The following PIP5K1C variants were observed in gnomAD, a reference collection of about 807,000 sequenced individuals.
PIP5K1C encodes phosphatidylinositol 4-phosphate 5-kinase type-1 gamma.
Under a neutral mutation model 80.1 loss-of-function variants are expected in PIP5K1C, and 45 were observed. The observed-to-expected ratio is 0.56, with a 90% confidence interval of 0.44 to 0.72. The LOEUF is 0.72. Ranked by LOEUF, PIP5K1C falls within the 30% of genes least tolerant of loss-of-function variation. PIP5K1C has a pLI of 0.00. For missense variants in PIP5K1C, 753 were observed against 954.6 expected (o/e 0.79, Z 2.78); for synonymous variants, 498 against 420.1 (o/e 1.19, Z -2.27).
rs762215437 is a variant in PIP5K1C at position 3,656,432 on chromosome 19, C to T, written c.594G>A (p.Leu198=). The T allele has an allele frequency of 2.5e-5, 41 of 1,613,438 alleles. No individual in the cohort carries two copies. The highest frequency in any genetic ancestry group is 3.5e-5 in the Non-Finnish European group (41 of 1,180,040). ...TGTAGTAGCCAGGGAGCAGCTTCTG[C>T]AGGAACTCGGCCTCCTTGTGCATGA... ...KTVMHKEAEF[L]QKLLPGYYMN... The change falls in exon 6 of 18, where the codon CTG becomes CTA. Residue 198 remains leucine, a synonymous_variant. Transcript: ENST00000335312.
intron 1 of PIP5K1C, among the ~76,000 whole-genome samples, chr19:3,687,531 G>GCA (rs747932761): frequency 3.7e-5 from 4 of 109,342 alleles, no homozygotes; most frequent in Non-Finnish European, 7.9e-5. Flanking sequence ...ACATGCACAC[G>GCA]CACACACATA....
At chr19:3,667,464 G>A (rs942658281) in intron 1 of PIP5K1C, 111 bp from the exon 2 acceptor site, 16 of 1,147,796 alleles carry the variant, frequency 1.4e-5, no homozygotes, top group East Asian at 1.2e-4. Context: ...GTGTAACTCC[G>A]CGTGGGGCTG....
In PIP5K1C at chr19:3,654,572, G is replaced by A. The variant is rs2034556005; in HGVS notation, c.622-983C>T. ...GGCTCATGCCTGTAATCCTAGCACT[G>A]TGGGAGGCCGAGGCGGGCGGATCAC... On this transcript the variant is annotated intron_variant, in intron 6 of 17. Coordinates refer to ENST00000335312, the MANE Select transcript of PIP5K1C (RefSeq NM_012398.3). 2.6e-5 allele frequency among the ~76,000 whole-genome samples: 4 copies of A among 152,150 alleles called. No homozygotes were observed. The South Asian group carries it at 8.3e-4, about 31-fold the overall frequency.
At chr19:3,679,287 C>A (rs189107215) in intron 1 of PIP5K1C, among the ~76,000 whole-genome samples, 1 of 152,192 alleles carries the variant, frequency 6.6e-6, no homozygotes, top group Non-Finnish European at 1.5e-5. Flanking sequence ...TGTGCCCAGG[C>A]TCCCCACCCA....
intron 5 of PIP5K1C, among the ~76,000 whole-genome samples, chr19:3,657,358 C>T (rs1014892478): frequency 2.6e-5 from 4 of 152,220 alleles, no homozygotes; most frequent in Admixed American, 6.5e-5. Flanking sequence ...TGCTACCCTG[C>T]GTCTTCCGGG....
intron 7 of PIP5K1C, 147 bp from the exon 8 acceptor site, chr19:3,652,178 T>C: frequency 1.5e-6 from 1 of 680,158 alleles, no homozygotes; most frequent in Non-Finnish European, 2.6e-6. Flanking sequence ...GGAGTGGGGG[T>C]TCTAGTGTTA....
At chr19:3,683,581 C>G (rs571487614) in intron 1 of PIP5K1C, among the ~76,000 whole-genome samples, 1 of 152,182 alleles carries the variant, frequency 6.6e-6, no homozygotes, top group South Asian at 2.1e-4. Context: ...TATGCAGAGG[C>G]GGAAACTGAG....
chr19:3,642,924 C>G lies in PIP5K1C; in HGVS notation c.1665G>C (p.Ser555=). 2 of 1,613,486 alleles carry G rather than the reference C, an allele frequency of 1.2e-6. No individual in the cohort carries two copies. The highest frequency in any genetic ancestry group is 1.3e-5 in the African/African-American group (1 of 74,922). ...EQPRYRRRTQ[S]SGQDGRPQEE... ...GGTCTCACCTGCCATCCTGTCCAGACGACTGTGTGCGCCGCCTGCAGAGAT... is the reference window on the plus strand; with the variant it reads ...GGTCTCACCTGCCATCCTGTCCAGAGGACTGTGTGCGCCGCCTGCAGAGAT... The change falls in exon 14 of 18, where the codon TCG becomes TCC. Residue 555 remains serine (S), a synonymous_variant. Transcript: ENST00000335312.
Position 3,689,769 on chromosome 19 carries a change from G to A in PIP5K1C, c.94+10528C>T, listed in dbSNP as rs149569262. ...CAAATGGCCTGACATAATCACACAC[G>A]CACACGCTAACACACACACACTAAC... On this transcript the variant is annotated intron_variant, in intron 1 of 17. Coordinates refer to ENST00000335312, the MANE Select transcript of PIP5K1C (RefSeq NM_012398.3). 1.6e-3 allele frequency among the ~76,000 whole-genome samples: 238 copies of A among 152,034 alleles called. 2 individuals carry two copies. In the South Asian group the frequency reaches 0.019, roughly 12 times the overall value.
chr19:3,673,072 C>A (rs1443218224), intron 1 of PIP5K1C, among the ~76,000 whole-genome samples: 1 of 150,266 alleles, frequency 6.7e-6, no homozygotes, highest in Non-Finnish European at 1.5e-5. Flanking sequence ...TCACTGCAAC[C>A]CTGCAGGGTG....
intron 2 of PIP5K1C, 105 bp from the exon 3 acceptor site, chr19:3,665,019 AGG>A: frequency 1.1e-6 from 1 of 888,550 alleles, no homozygotes; most frequent in South Asian, 1.4e-5. Context: ...TGGGCCCAGC[AGG>A]GGTGCACAGG....
At chr19:3,638,138 G>A in intron 16 of PIP5K1C, 2 of 1,200,578 alleles carry the variant, frequency 1.7e-6, no homozygotes, top group Non-Finnish European at 2.2e-6. Context: ...TCTGGGAAGT[G>A]GGCTGCAGCC....
At chr19:3,676,758 C>A (rs1391716546) in intron 1 of PIP5K1C, among the ~76,000 whole-genome samples, 6 of 152,164 alleles carry the variant, frequency 3.9e-5, no homozygotes, top group African/African-American at 1.2e-4. Context: ...AATTTCACGT[C>A]CCCCCAAAAT....
chr19:3,633,813 G>A (rs934808295), intron 16 of PIP5K1C, among the ~76,000 whole-genome samples: 7 of 152,044 alleles, frequency 4.6e-5, no homozygotes, highest in South Asian at 2.1e-4. Flanking sequence ...CGGCGGAAGC[G>A]GGTGGGGGTC....
intron 8 of PIP5K1C, 44 bp downstream of exon 8, chr19:3,651,782 G>A: frequency 6.4e-7 from 1 of 1,573,120 alleles, no homozygotes; most frequent in Non-Finnish European, 8.7e-7. Flanking sequence ...GGAGCCTGTG[G>A]GGAAGGGAAG....
At position 3,696,313 on chromosome 19, in the gene PIP5K1C, T is replaced by C. The variant is rs1319065599; in HGVS notation, c.94+3984A>G. Among the ~76,000 whole-genome samples the C allele has an allele frequency of 6.6e-6, 1 of 152,208 alleles. No homozygotes were observed. Among genetic ancestry groups the C allele is most frequent in the East Asian group, 1.9e-4 (1 of 5,190 alleles). ...CAGGATCTGCACTGTGCTGAGCTCTTCCGGGCGCAGGGGATGCCGCAGGAG... is the reference window on the plus strand; with the variant it reads ...CAGGATCTGCACTGTGCTGAGCTCTCCCGGGCGCAGGGGATGCCGCAGGAG... On this transcript the variant is annotated intron_variant, in intron 1 of 17. Transcript: ENST00000335312. This position sits in a 1 kb window ranked among gnomAD's most constrained non-coding sequence, Gnocchi z 4.1.
intron 15 of PIP5K1C, among the ~76,000 whole-genome samples, chr19:3,639,873 A>AG (rs1245646606): frequency 6.6e-6 from 1 of 152,226 alleles, no homozygotes; most frequent in Non-Finnish European, 1.5e-5. Context: ...AGAGGAGGTG[A>AG]GGAACGGCCT....
chr19:3,659,479 G>A (rs1056380340), intron 5 of PIP5K1C, among the ~76,000 whole-genome samples: 4 of 152,064 alleles, frequency 2.6e-5, no homozygotes, highest in African/African-American at 7.3e-5. Flanking sequence ...TAATGGACAC[G>A]GGTGCTGTCT....
At chr19:3,672,770 C>T (rs894196798) in intron 1 of PIP5K1C, among the ~76,000 whole-genome samples, 1 of 152,156 alleles carries the variant, frequency 6.6e-6, no homozygotes, top group African/African-American at 2.4e-5. Flanking sequence ...GTGCCTCAGC[C>T]CCTGTGGGCA....
Sources: allele counts gnomAD v4.1 joint callset (sites outside exome capture counted in the v4.1 genomes callset), GRCh38; gene constraint gnomAD v4.1.1; non-coding constraint Gnocchi (gnomAD v3.1); transcripts MANE v1.5; gene names NCBI Gene and HGNC (gene_info 2026-07-23, HGNC 2026-07-21).